TMEM272: variants seen among roughly 807,000 people sequenced by gnomAD.
The protein encoded by TMEM272 is transmembrane protein 272.
TMEM272 carries 8 observed loss-of-function variants against 3.7 expected under a neutral mutation model. The ratio of observed to expected loss-of-function variants is 2.17; its 90% CI spans 1.27 to 3.91. The LOEUF is 3.91. TMEM272 is among the 30% of genes most tolerant of loss of function. The probability of loss-of-function intolerance (pLI) is 0.00; values close to 1 mark genes in which losing one functional copy is unlikely to be tolerated. For synonymous variants in TMEM272, 63 were observed against 39.8 expected (o/e 1.58, Z -2.20); for missense variants, 166 against 91.5 (o/e 1.81, Z -3.32).
chr13:51,819,213 T>C (rs891490203), intron 4 of TMEM272, among the ~76,000 whole-genome samples: 5 of 151,930 alleles, frequency 3.3e-5, no homozygotes, highest in Non-Finnish European at 7.4e-5. Context: ...GGGGGAGTGG[T>C]GTGGCAAAGG....
chr13:51,828,319 G>A (rs1956144899), intron 2 of TMEM272, among the ~76,000 whole-genome samples: 1 of 152,170 alleles, frequency 6.6e-6, no homozygotes, highest in African/African-American at 2.4e-5. Context: ...GTCTTCTCTA[G>A]AGAAGAGCTC....
intron 3 of TMEM272, among the ~76,000 whole-genome samples, chr13:51,826,137 G>GAAAAAA (rs1254151467): frequency 0.019 from 1,305 of 69,888 alleles, 19 homozygotes; most frequent in African/African-American, 0.088. Context: ...CATTCATTCA[G>GAAAAAA]CAAAAAAAAA....
At chr13:51,867,289 G>A in the TMEM272 span, among the ~76,000 whole-genome samples, 4 of 152,186 alleles carry the variant, frequency 2.6e-5, no homozygotes, top group Admixed American at 2.6e-4. Context: ...ACCTAAAGAA[G>A]CAATGTGAGT....
chr13:51,827,291 C>T (rs1228526879), intron 2 of TMEM272, among the ~76,000 whole-genome samples: 6 of 152,172 alleles, frequency 3.9e-5, no homozygotes, highest in Non-Finnish European at 7.3e-5. Context: ...GGTCCAAATC[C>T]TGGCCCTGTC....
At chr13:51,845,333 G>A (rs76299119), upstream of TMEM272, among the ~76,000 whole-genome samples, 1,723 of 152,274 alleles carry the variant, frequency 0.011, 30 homozygotes, top group African/African-American at 0.037. Context: ...CGACCCCTTG[G>A]AGTTAGGAAT....
chr13:51,837,597 T>C (rs887812351), intron 2 of TMEM272, among the ~76,000 whole-genome samples: 1 of 152,226 alleles, frequency 6.6e-6, no homozygotes, highest in Non-Finnish European at 1.5e-5. Flanking sequence ...GAGGTGGCTC[T>C]TCACTCATTT....
the TMEM272 span, among the ~76,000 whole-genome samples, chr13:51,903,972 T>TGTGTGTGTGTGTGTGTGTGTGTGTG: frequency 8.6e-5 from 13 of 151,424 alleles, no homozygotes; most frequent in Non-Finnish European, 1.2e-4. Context: ...TGTGTGTGTG[T>TGTGTGTGTGTGTGTGTGTGTGTGTG]TTAGAAAGAA....
the TMEM272 span, among the ~76,000 whole-genome samples, chr13:51,890,786 T>C: frequency 3.3e-5 from 5 of 152,236 alleles, no homozygotes; most frequent in Admixed American, 2.6e-4. Context: ...CTAATGTGAT[T>C]CTTGTTCCTT....
chr13:51,890,479 G>A, the TMEM272 span, among the ~76,000 whole-genome samples: 1 of 152,066 alleles, frequency 6.6e-6, no homozygotes, highest in Non-Finnish European at 1.5e-5. Flanking sequence ...GCCATGAGTG[G>A]AAGCAGCCCA....
chr13:51,839,016 A>G (rs7336182), intron 1 of TMEM272, among the ~76,000 whole-genome samples: 24,033 of 152,074 alleles, frequency 0.16, 2,598 homozygotes, highest in African/African-American at 0.31. Flanking sequence ...AACTGGCAGA[A>G]CCCAAACTTG....
At chr13:51,819,139 C>T (rs1456758714) in intron 4 of TMEM272, among the ~76,000 whole-genome samples, 1 of 152,134 alleles carries the variant, frequency 6.6e-6, no homozygotes, top group Non-Finnish European at 1.5e-5. Flanking sequence ...GGGAGGGCTG[C>T]CTGGAAGAAG....
the TMEM272 span, among the ~76,000 whole-genome samples, chr13:51,850,900 A>AAAT: frequency 1.3e-5 from 2 of 152,224 alleles, no homozygotes; most frequent in East Asian, 1.9e-4. Context: ...TTGAAGTTTC[A>AAAT]AATTTATTTG....
intron 1 of TMEM272, among the ~76,000 whole-genome samples, chr13:51,839,748 T>G (rs766246126): frequency 5.3e-4 from 80 of 152,202 alleles, no homozygotes; most frequent in Non-Finnish European, 1.5e-4. Context: ...CTGTGGCTCA[T>G]AGCAGGCAAG....
At chr13:51,914,927 C>T in the TMEM272 span, among the ~76,000 whole-genome samples, 10 of 152,166 alleles carry the variant, frequency 6.6e-5, no homozygotes, top group African/African-American at 1.4e-4. Flanking sequence ...TGTCAAGAAT[C>T]GATTCAGGTT....
intron 4 of TMEM272, among the ~76,000 whole-genome samples, chr13:51,820,778 C>T (rs972886508): frequency 2.0e-5 from 3 of 152,180 alleles, no homozygotes; most frequent in Non-Finnish European, 1.5e-5. Flanking sequence ...AATGTGGCCC[C>T]GCTGAGCCAA....
At chr13:51,866,084 G>A in the TMEM272 span, 2 of 1,561,722 alleles carry the variant, frequency 1.3e-6, no homozygotes, top group Non-Finnish European at 1.7e-6. Flanking sequence ...GGCGTAGCCA[G>A]CATGCAGGTG....
chr13:51,917,034 C>T, the TMEM272 span, among the ~76,000 whole-genome samples: 10 of 152,216 alleles, frequency 6.6e-5, no homozygotes, highest in Non-Finnish European at 1.5e-4. Context: ...TTAACGCTAA[C>T]CTGTGGGCTT....
the TMEM272 span, among the ~76,000 whole-genome samples, chr13:51,929,512 T>C: frequency 2.6e-5 from 4 of 152,222 alleles, no homozygotes; most frequent in Non-Finnish European, 4.4e-5. Flanking sequence ...TTTGGTCAGA[T>C]AGACACGGGA....
At chr13:51,864,113 CT>C in the TMEM272 span, among the ~76,000 whole-genome samples, 4 of 151,610 alleles carry the variant, frequency 2.6e-5, no homozygotes, top group Non-Finnish European at 5.9e-5. Context: ...CCTTCCCTCC[CT>C]CTCTTTTTCT....
Sources: gnomAD v4.1 joint callset for allele counts (sites outside exome capture counted in the v4.1 genomes callset) on GRCh38, gnomAD v4.1.1 for gene constraint, MANE v1.5 for transcripts, NCBI Gene and HGNC (gene_info 2026-07-23, HGNC 2026-07-21) for gene names.